Variants in CARMIL1 observed in about 807,000 individuals in gnomAD.
The protein encoded by CARMIL1 is capping protein regulator and myosin 1 linker 1.
CARMIL1 carries 90 observed loss-of-function variants against 177.1 expected under a neutral mutation model. That is an observed-to-expected ratio of 0.51 (90% CI 0.43 to 0.61). The LOEUF (loss-of-function observed/expected upper bound fraction) is 0.61. Ranked by LOEUF, CARMIL1 falls within the 20% of genes least tolerant of loss-of-function variation. CARMIL1 has a pLI of 0.00. For synonymous variants in CARMIL1, 577 were observed against 606.2 expected (o/e 0.95, Z 0.71); for missense variants, 1,380 against 1,667.0 (o/e 0.83, Z 3.00).
At chr6:25,540,929 T>G (rs964937338) in intron 26 of CARMIL1, among the ~76,000 whole-genome samples, 6 of 152,226 alleles carry the variant, frequency 3.9e-5, no homozygotes, top group Non-Finnish European at 7.3e-5. Flanking sequence ...TAATCCCCTG[T>G]CTTCCTGTGC....
chr6:25,441,345 G>GTGTGTGTGTGTGTA (rs1247187139), intron 5 of CARMIL1, among the ~76,000 whole-genome samples: 126 of 110,088 alleles, frequency 1.1e-3, no homozygotes, highest in East Asian at 8.6e-3. Flanking sequence ...ATATGTGTGT[G>GTGTGTGTGTGTGTA]TGTGTGTGTG....
chr6:25,299,534 T>G (rs1180866873), intron 2 of CARMIL1, among the ~76,000 whole-genome samples: 1 of 152,062 alleles, frequency 6.6e-6, no homozygotes, highest in African/African-American at 2.4e-5. Flanking sequence ...CCTTGAGGTA[T>G]TTCAGTCCCA....
At chr6:25,579,794 T>C (rs1812965395) in intron 29 of CARMIL1, among the ~76,000 whole-genome samples, 1 of 152,222 alleles carries the variant, frequency 6.6e-6, no homozygotes, top group African/African-American at 2.4e-5. Flanking sequence ...AGCAAAATGA[T>C]ATTATTAAAA....
At chr6:25,459,272 T>TCGTTCTTTC (rs1477339182) in intron 8 of CARMIL1, among the ~76,000 whole-genome samples, 1 of 134,894 alleles carries the variant, frequency 7.4e-6, no homozygotes, top group East Asian at 2.4e-4. Context: ...CTTTCTTTTT[T>TCGTTCTTTC]TTTTTTTTAA....
chr6:25,513,310 C>T (rs1301303988), intron 20 of CARMIL1, among the ~76,000 whole-genome samples: 2 of 152,086 alleles, frequency 1.3e-5, no homozygotes, highest in Non-Finnish European at 2.9e-5. Context: ...TTCCACTTAC[C>T]TGTATGTAGG....
At chr6:25,617,844 A>C (rs1436429241) in intron 36 of CARMIL1, among the ~76,000 whole-genome samples, 1 of 152,222 alleles carries the variant, frequency 6.6e-6, no homozygotes, top group Non-Finnish European at 1.5e-5. Context: ...TTTTTTACCC[A>C]ACACAAACTT....
At chr6:25,467,434 TCAAA>T (rs1800710876) in intron 9 of CARMIL1, among the ~76,000 whole-genome samples, 1 of 152,206 alleles carries the variant, frequency 6.6e-6, no homozygotes, top group Admixed American at 6.5e-5. Context: ...TCTGGCTCAT[TCAAA>T]CATTTACATA....
intron 27 of CARMIL1, among the ~76,000 whole-genome samples, chr6:25,553,294 G>T (rs1810299326): frequency 6.6e-6 from 1 of 152,172 alleles, no homozygotes; most frequent in South Asian, 2.1e-4. Context: ...GAACACACAT[G>T]AAAGTGGAAT....
intron 36 of CARMIL1, 107 bp from the exon 37 acceptor site, chr6:25,619,340 C>T (rs989031621): frequency 8.9e-7 from 1 of 1,119,848 alleles, no homozygotes; most frequent in South Asian, 1.7e-5. Flanking sequence ...CACCCTGGCC[C>T]CCTCCCCTCC....
In CARMIL1 at chr6:25,330,714, G is replaced by C. The variant is rs572079301; in HGVS notation, c.138+45805G>C. ...AAAAAAAAAAAAAAAAGACAGATGAGGATGGGATCTGGAGTGGCACAAGCC... is the reference window on the plus strand; with the variant it reads ...AAAAAAAAAAAAAAAAGACAGATGACGATGGGATCTGGAGTGGCACAAGCC... On this transcript the variant is annotated intron_variant, in intron 2 of 36. Coordinates refer to ENST00000329474, the MANE Select transcript of CARMIL1 (RefSeq NM_017640.6). 1.7e-3 allele frequency among the ~76,000 whole-genome samples: 258 copies of C among 151,486 alleles called. 1 individual carries two copies. The highest frequency in any genetic ancestry group is 4.3e-3 in the African/African-American group (179 of 41,322).
chr6:25,306,305 C>T (rs918997697), intron 2 of CARMIL1, among the ~76,000 whole-genome samples: 1 of 152,124 alleles, frequency 6.6e-6, no homozygotes, highest in Admixed American at 6.6e-5. Context: ...AGGAGGTGAG[C>T]GGCAGGTAAG....
rs1326991957 is a variant in CARMIL1 at position 25,606,163 on chromosome 6, G to A, written c.3737G>A (p.Arg1246Gln). 8 of 1,613,818 alleles carry A rather than the reference G, an allele frequency of 5.0e-6. No homozygotes were observed. The highest frequency in any genetic ancestry group is 3.3e-5 in the Admixed American group (2 of 59,994). ...EPKAEAGSRS[R>Q]SSSSTPTSPK... ...AAAGCGGAAGCAGGCTCCAGGTCTC[G>A]GAGCTCATCCAGCACACCTACGAGC... Residue 1246 changes from arginine (R) to glutamine (Q), a missense_variant, in exon 35 of 37, where the codon CGG becomes CAG. Physicochemically the swap from Arg to Gln is conservative, Grantham distance 43. Transcript: ENST00000329474.
intron 3 of CARMIL1, among the ~76,000 whole-genome samples, chr6:25,423,137 A>G (rs551665105): frequency 1.4e-4 from 21 of 152,372 alleles, no homozygotes; most frequent in Non-Finnish European, 2.4e-4. Context: ...AGAAATAAGT[A>G]TATTTATAAC....
At chr6:25,305,399 GTCC>G (rs958904043) in intron 2 of CARMIL1, among the ~76,000 whole-genome samples, 3 of 152,162 alleles carry the variant, frequency 2.0e-5, no homozygotes, top group Non-Finnish European at 4.4e-5. Context: ...TCCTTTCAGA[GTCC>G]TCCTTTCTTT....
At chr6:25,533,916 T>C (rs1429980990) in intron 24 of CARMIL1, among the ~76,000 whole-genome samples, 2 of 152,148 alleles carry the variant, frequency 1.3e-5, no homozygotes, top group East Asian at 3.9e-4. Flanking sequence ...CTCATCCTTT[T>C]GAACTCTTGA....
At chr6:25,436,807 C>T (rs1381580189) in intron 5 of CARMIL1, among the ~76,000 whole-genome samples, 3 of 152,084 alleles carry the variant, frequency 2.0e-5, no homozygotes, top group South Asian at 2.1e-4. Context: ...AGCTGGTTGC[C>T]GGGGGAGCTA....
intron 2 of CARMIL1, among the ~76,000 whole-genome samples, chr6:25,309,591 C>A (rs890511218): frequency 6.0e-5 from 9 of 149,902 alleles, no homozygotes; most frequent in African/African-American, 2.2e-4. Context: ...TCTCTATGGA[C>A]CGGCCTAGTC....
rs56103864 is a variant in CARMIL1 at position 25,279,611 on chromosome 6, C to CT, written c.-171dup. On this transcript the variant is annotated 5_prime_UTR_variant, in exon 1 of 37. Coordinates refer to ENST00000329474, the MANE Select transcript of CARMIL1 (RefSeq NM_017640.6). The stretch of plus-strand genomic sequence containing the variant: ...GCAAATCCGCCTCGCATTTGCAACT[C>CT]TTTTTTTTTTTTTTGGTGGGGCGGG... 16,176 of 530,772 alleles carry CT rather than the reference C, an allele frequency of 0.03. 64 individuals are homozygous for CT. Among genetic ancestry groups the CT allele is most frequent in the Non-Finnish European group, 0.04 (11,846 of 296,784 alleles). 32.9% of individuals were successfully genotyped at this position (530,772 alleles called of 1,614,324 possible). A position where few individuals can be genotyped will look rare whatever the true frequency, so the allele number is the denominator to read the frequency against.
chr6:25,369,397 T>TA (rs59010426), intron 2 of CARMIL1, among the ~76,000 whole-genome samples: 87 of 147,738 alleles, frequency 5.9e-4, no homozygotes, highest in Admixed American at 1.6e-3. Flanking sequence ...TTTTTTTTTT[T>TA]AAAGCTAGTC....
Sources: gnomAD v4.1 joint callset for allele counts (sites outside exome capture counted in the v4.1 genomes callset) on GRCh38, gnomAD v4.1.1 for gene constraint, MANE v1.5 for transcripts, NCBI Gene and HGNC (gene_info 2026-07-23, HGNC 2026-07-21) for gene names.